Variants in ZRANB1 observed in about 807,000 individuals in gnomAD.
ZRANB1 encodes ubiquitin thioesterase ZRANB1.
A neutral mutation model predicts 80.5 loss-of-function variants in ZRANB1; 16 were observed. That is an observed-to-expected ratio of 0.20 (90% CI 0.13 to 0.30). The LOEUF (loss-of-function observed/expected upper bound fraction) is 0.30, where lower values mean the gene tolerates loss of function less well. ZRANB1 is among the 10% of genes least tolerant of loss of function. ZRANB1 has a pLI of 1.00. For missense variants in ZRANB1, 576 were observed against 862.6 expected (o/e 0.67, Z 4.16); for synonymous variants, 291 against 293.1 (o/e 0.99, Z 0.07).
intron 1 of ZRANB1, among the ~76,000 whole-genome samples, chr10:124,964,636 T>A (rs1285176271): frequency 6.6e-6 from 1 of 152,244 alleles, no homozygotes; most frequent in African/African-American, 2.4e-5. Context: ...CTTTGCTTTT[T>A]CAGCTAAATT....
At chr10:124,920,080 G>A in the ZRANB1 span, among the ~76,000 whole-genome samples, 1 of 151,506 alleles carries the variant, frequency 6.6e-6, no homozygotes, top group African/African-American at 2.4e-5. Flanking sequence ...GTGCCACCAC[G>A]CCTGGCTAAT....
At chr10:124,977,200 C>T (rs904920862) in intron 5 of ZRANB1, among the ~76,000 whole-genome samples, 2 of 151,532 alleles carry the variant, frequency 1.3e-5, no homozygotes, top group Non-Finnish European at 2.9e-5. Context: ...CTTGAACTCC[C>T]GGACTCGAGT....
In ZRANB1 at chr10:124,942,401, G is replaced by A. The variant is rs1157828124; in HGVS notation, c.-93G>A. Reference sequence around the variant, plus strand: ...TTGAAGGACTTGCTTTTTGGGCAGCGTATTTTTGGAGGTGGAATGTAGTTA... The same window carrying A: ...TTGAAGGACTTGCTTTTTGGGCAGCATATTTTTGGAGGTGGAATGTAGTTA... On this transcript the variant is annotated 5_prime_UTR_variant, in exon 1 of 9. Transcript: ENST00000359653. 2.1e-5 allele frequency: 33 copies of A among 1,542,758 alleles called. No homozygotes were observed. The highest frequency in any genetic ancestry group is 1.7e-4 in the East Asian group (7 of 42,378).
At chr10:124,925,278 G>GT in the ZRANB1 span, among the ~76,000 whole-genome samples, 45 of 148,780 alleles carry the variant, frequency 3.0e-4, 1 homozygote, top group Middle Eastern at 3.5e-3. Context: ...GTTATTGTCT[G>GT]TTTTTTTTTT....
intron 1 of ZRANB1, among the ~76,000 whole-genome samples, chr10:124,950,373 C>T (rs1008337618): frequency 6.6e-6 from 1 of 152,150 alleles, no homozygotes; most frequent in Non-Finnish European, 1.5e-5. Context: ...GCCCGCCCGC[C>T]TCGGTCTCCC....
intron 1 of ZRANB1, among the ~76,000 whole-genome samples, chr10:124,950,655 ACT>A (rs1303567434): frequency 6.6e-6 from 1 of 151,986 alleles, no homozygotes; most frequent in African/African-American, 2.4e-5. Context: ...GCCAAGTGTA[ACT>A]CTAGAAATAT....
At chr10:124,984,646 A>T in intron 8 of ZRANB1, 128 bp from the exon 9 acceptor site, 1 of 891,848 alleles carries the variant, frequency 1.1e-6, no homozygotes, top group South Asian at 1.9e-5. Flanking sequence ...GGTCAAAACC[A>T]TGTGAAAAGT....
chr10:124,984,903 G>A lies in ZRANB1; in HGVS notation c.2038G>A (p.Val680Ile). The A allele has an allele frequency of 6.2e-7, 1 of 1,614,006 alleles. No individual in the cohort carries two copies. Among genetic ancestry groups the A allele is most frequent in the Non-Finnish European group, 8.5e-7 (1 of 1,180,030 alleles). ...AAATCACCCCCTGGTCACTCAGATG[G>A]TAGAAAAATGGCTTGACCGCTACCG... is the stretch of plus-strand genomic sequence containing the variant. The part of the protein sequence containing the change: ...RRNHPLVTQM[V>I]EKWLDRYRQI... Residue 680 changes from valine (V) to isoleucine (I), a missense_variant, in exon 9 of 9, where the codon GTA (valine) becomes ATA (isoleucine). By Grantham distance (29) the Val-to-Ile change is conservative. Around this residue, in one of 3 missense-constraint regions of ZRANB1, gnomAD observed 152 missense variants for 221.9 expected, o/e 0.69. Transcript: ENST00000359653.
At chr10:124,919,921 CT>C in the ZRANB1 span, among the ~76,000 whole-genome samples, 117 of 62,004 alleles carry the variant, frequency 1.9e-3, no homozygotes, top group African/African-American at 4.8e-3. Flanking sequence ...CCCCCCCCCC[CT>C]TTTTTTTTTT....
chr10:124,975,504 T>G (rs1463594124), intron 5 of ZRANB1, among the ~76,000 whole-genome samples: 1 of 152,214 alleles, frequency 6.6e-6, no homozygotes, highest in Admixed American at 6.5e-5. Flanking sequence ...ATCAAAGTGT[T>G]CTTTATATAT....
Position 124,977,960 on chromosome 10 carries a change from C to T in ZRANB1, c.1427+3562C>T, listed in dbSNP as rs541310951. Among the ~76,000 whole-genome samples, 13 of 152,214 alleles carry T rather than the reference C, an allele frequency of 8.5e-5. No individual in the cohort carries two copies. The East Asian group carries it at 2.1e-3, about 25-fold the overall frequency. On this transcript the variant is annotated intron_variant, in intron 5 of 8. Transcript: ENST00000359653. ...AGAACAGCATGGTTTGGCATCACCT[C>T]CTCCAGTCCCTGCCACCGGGGAGCT...
intron 4 of ZRANB1, 22 bp from the exon 5 acceptor site, chr10:124,974,178 T>C (rs1232779976): frequency 9.9e-6 from 16 of 1,610,804 alleles, no homozygotes; most frequent in Non-Finnish European, 1.3e-5. Flanking sequence ...GAAATGAACA[T>C]GTATTTAAAT....
At chr10:124,925,918 C>G in the ZRANB1 span, among the ~76,000 whole-genome samples, 14 of 152,228 alleles carry the variant, frequency 9.2e-5, no homozygotes, top group African/African-American at 2.4e-4. Context: ...TAGACAAAAC[C>G]TAGATAGTAT....
At chr10:124,974,520 A>G in intron 5 of ZRANB1, 122 bp downstream of exon 5, 1 of 991,600 alleles carries the variant, frequency 1.0e-6, no homozygotes, top group Non-Finnish European at 1.5e-6. Flanking sequence ...AAAACAGTTC[A>G]TTTTGGACAT....
chr10:124,977,740 GGTTTGGT>G (rs1465652334), intron 5 of ZRANB1, among the ~76,000 whole-genome samples: 2 of 146,820 alleles, frequency 1.4e-5, no homozygotes, highest in African/African-American at 5.0e-5. Flanking sequence ...AAAAAAAGAT[GGTTTGGT>G]GGAGAAATAC....
At chr10:124,928,650 C>T in the ZRANB1 span, among the ~76,000 whole-genome samples, 4 of 152,318 alleles carry the variant, frequency 2.6e-5, no homozygotes, top group South Asian at 4.1e-4. Flanking sequence ...CATTGTTAAA[C>T]GTATACGAAA....
In ZRANB1 at chr10:124,987,754, T is replaced by C. The variant is rs538609115; in HGVS notation, c.*2762T>C. 6.6e-6 allele frequency: 1 copy of C among 152,220 alleles called. No homozygotes were observed. Among genetic ancestry groups the C allele is most frequent in the African/African-American group, 2.4e-5 (1 of 41,520 alleles). 9.4% of individuals were successfully genotyped at this position (152,220 alleles called of 1,614,324 possible). A position where few individuals can be genotyped will look rare whatever the true frequency, so the allele number is the denominator to read the frequency against. ...GCCAAAGGCTTTAAGACACCATGAT[T>C]TTCTTGTTTTGTTTTAATTGGGAAG... On this transcript the variant is annotated 3_prime_UTR_variant, in exon 9 of 9. Transcript: ENST00000359653.
intron 1 of ZRANB1, among the ~76,000 whole-genome samples, chr10:124,955,466 C>G (rs1202401272): frequency 6.6e-6 from 1 of 152,052 alleles, no homozygotes; most frequent in Non-Finnish European, 1.5e-5. Flanking sequence ...TGGCCTGCAT[C>G]CGTAAAAGGA....
the ZRANB1 span, among the ~76,000 whole-genome samples, chr10:124,922,051 C>T: frequency 1.3e-5 from 2 of 151,722 alleles, no homozygotes; most frequent in Admixed American, 6.6e-5. Context: ...AAACTGTCCT[C>T]CCACTTTAGC....
Sources: gnomAD v4.1 joint callset for allele counts (sites outside exome capture counted in the v4.1 genomes callset) on GRCh38, gnomAD v4.1.1 for gene constraint, gnomAD v4.1.1 regional missense constraint, MANE v1.5 for transcripts, NCBI Gene and HGNC (gene_info 2026-07-23, HGNC 2026-07-21) for gene names.